NF1: variants seen among roughly 807,000 people sequenced by gnomAD.
The protein encoded by NF1 is neurofibromin.
Under a neutral mutation model 325.7 loss-of-function variants are expected in NF1, and 122 were observed. That is an observed-to-expected ratio of 0.37 (90% CI 0.32 to 0.44). The LOEUF is 0.44. Ranked by LOEUF, NF1 falls within the 20% of genes least tolerant of loss-of-function variation. The pLI is 1.00. For synonymous variants in NF1, 1,091 were observed against 1,186.0 expected (o/e 0.92, Z 1.65); for missense variants, 2,140 against 3,415.4 (o/e 0.63, Z 9.31).
At chr17:31,203,584 C>T (rs1285623767) in intron 11 of NF1, among the ~76,000 whole-genome samples, 3 of 152,020 alleles carry the variant, frequency 2.0e-5, no homozygotes, top group Non-Finnish European at 4.4e-5. Context: ...ATGAGATTGA[C>T]TATTTTAGAG....
intron 36 of NF1, among the ~76,000 whole-genome samples, chr17:31,287,819 A>G (rs1313840565): frequency 6.6e-6 from 1 of 151,228 alleles, no homozygotes; most frequent in East Asian, 2.0e-4. Flanking sequence ...GATTACAGGC[A>G]TGAGCCACTG....
chr17:31,232,043 AT>A lies in NF1; in HGVS notation c.3198-4del, dbSNP rs371047262. On this transcript the variant is annotated intron_variant, in intron 24 of 57. Coordinates refer to ENST00000358273, the MANE Select transcript of NF1 (RefSeq NM_001042492.3). ...AACTTGAAAGATTCATGGTCTCTAA[AT>A]TTTTTTTTTTTTTTTTTTTTTTTTT... The A allele has an allele frequency of 0.04, 23,105 of 582,972 alleles. 11 individuals are homozygous for A. The highest frequency in any genetic ancestry group is 0.064 in the East Asian group (1,235 of 19,250). 36.1% of individuals were successfully genotyped at this position (582,972 alleles called of 1,614,324 possible). A position where few individuals can be genotyped will look rare whatever the true frequency, so the allele number is the denominator to read the frequency against.
chr17:31,218,702 G>A (rs781704237), intron 13 of NF1, among the ~76,000 whole-genome samples: 12 of 151,988 alleles, frequency 7.9e-5, no homozygotes, highest in Non-Finnish European at 1.5e-4. Context: ...CTCCCAAGTG[G>A]CTGGGACCAC....
chr17:31,215,632 C>G (rs531203441), intron 13 of NF1, among the ~76,000 whole-genome samples: 1 of 152,272 alleles, frequency 6.6e-6, no homozygotes, highest in Non-Finnish European at 1.5e-5. Flanking sequence ...TAATAAGATA[C>G]AATTTAACAC....
At chr17:31,218,255 A>G (rs1474282912) in intron 13 of NF1, among the ~76,000 whole-genome samples, 2 of 152,106 alleles carry the variant, frequency 1.3e-5, no homozygotes, top group Non-Finnish European at 2.9e-5. Flanking sequence ...CTATTGTTGG[A>G]AAAAAAATTA....
At chr17:31,306,321 G>A (rs1428728666) in intron 36 of NF1, among the ~76,000 whole-genome samples, 2 of 151,526 alleles carry the variant, frequency 1.3e-5, no homozygotes, top group African/African-American at 2.4e-5. Context: ...TCCTAAACCT[G>A]TACCTCCAGC....
intron 1 of NF1, among the ~76,000 whole-genome samples, chr17:31,105,780 C>A: frequency 6.6e-6 from 1 of 152,200 alleles, no homozygotes; most frequent in East Asian, 1.9e-4. Flanking sequence ...TCCCAAAGTG[C>A]TGGGATTACA....
At chr17:31,204,191 A>G (rs1345213758) in intron 11 of NF1, among the ~76,000 whole-genome samples, 1 of 152,154 alleles carries the variant, frequency 6.6e-6, no homozygotes. Context: ...CATCACTGGT[A>G]CATGCTATAG....
chr17:31,253,282 A>C, intron 31 of NF1: 1 of 350,254 alleles, frequency 2.9e-6, no homozygotes. Context: ...TTTTTAAATT[A>C]TAAATGAATG....
At chr17:31,306,833 T>C (rs2068736238) in intron 36 of NF1, among the ~76,000 whole-genome samples, 1 of 150,108 alleles carries the variant, frequency 6.7e-6, no homozygotes, top group Non-Finnish European at 1.5e-5. Context: ...TGCCTTTAAG[T>C]GTTTCAGATT....
chr17:31,243,638 ACTCAAGGC>A (rs1381416184), intron 29 of NF1, among the ~76,000 whole-genome samples: 1 of 151,142 alleles, frequency 6.6e-6, no homozygotes, highest in Non-Finnish European at 1.5e-5. Flanking sequence ...ACTGATGTTC[ACTCAAGGC>A]CCAAGGGCTC....
intron 8 of NF1, among the ~76,000 whole-genome samples, chr17:31,188,109 C>G (rs544926069): frequency 1.3e-5 from 2 of 152,284 alleles, no homozygotes; most frequent in East Asian, 3.9e-4. Flanking sequence ...CTACAAATGA[C>G]CCAGACCCTT....
intron 36 of NF1, among the ~76,000 whole-genome samples, chr17:31,313,720 AT>A (rs60945048): frequency 0.019 from 1,878 of 101,146 alleles, 32 homozygotes; most frequent in African/African-American, 0.064. Flanking sequence ...AAAAAAAAAA[AT>A]ATGTGTGTGT....
intron 1 of NF1, among the ~76,000 whole-genome samples, chr17:31,116,375 C>A (rs552847250): frequency 1.3e-4 from 19 of 151,914 alleles, no homozygotes; most frequent in South Asian, 1.2e-3. Context: ...TTATGCTAAC[C>A]CTGCATAAAA....
At chr17:31,200,050 C>T (rs1023827484) in intron 8 of NF1, among the ~76,000 whole-genome samples, 4 of 151,478 alleles carry the variant, frequency 2.6e-5, no homozygotes, top group East Asian at 1.9e-4. Flanking sequence ...GCGGGAGAAT[C>T]GCTTGACCCT....
Position 31,349,142 on chromosome 17 carries a change from T to C in NF1, c.7212T>C (p.Ala2404=), listed in dbSNP as rs2151572531. 6.2e-7 allele frequency: 1 copy of C among 1,604,802 alleles called. No individual in the cohort carries two copies. The highest frequency in any genetic ancestry group is 2.2e-5 in the East Asian group (1 of 44,632). Residue 2404 remains alanine (A), a synonymous_variant, in exon 49 of 58, where the codon GCT becomes GCC. Coordinates refer to ENST00000358273, the MANE Select transcript of NF1 (RefSeq NM_001042492.3). The stretch of plus-strand genomic sequence containing the variant: ...TAGGGTACAGGCATCCTTCACCTGC[T>C]ATTGTTGCAAGAACAGTCAGAATTT... ...LLKGYRHPSP[A]IVARTVRILH...
At chr17:31,222,006 GTAC>G (rs1463553995) in intron 15 of NF1, 77 bp downstream of exon 15, 3 of 1,408,680 alleles carry the variant, frequency 2.1e-6, no homozygotes, top group Non-Finnish European at 2.8e-6. Context: ...TAACTCTGTA[GTAC>G]TTAGTACATT....
In NF1 at chr17:31,360,445, TA is replaced by T. The variant is rs528599051; in HGVS notation, c.8161-34del. ...TTTTGGCTTCAGATGGGGATTTACT[TA>T]AAAAAAAGGAACTAAAATAATTTCC... is the stretch of plus-strand genomic sequence containing the variant. On this transcript the variant is annotated intron_variant, in intron 56 of 57. Transcript: ENST00000358273. The T allele has an allele frequency of 1.9e-4, 295 of 1,569,722 alleles. 2 individuals carry two copies. The African/African-American group carries it at 3.2e-3, about 17-fold the overall frequency.
rs747234511 is a variant in NF1 at position 31,172,361 on chromosome 17, CTCTCTCTCTCTT to C, written c.586+2372_586+2383del. ...TCTCTCTGTCTCTCTGTCTCTCTCTCTCTCTCTCTCTTTCTCTCTTTCTCTCGATATACCTAT... is the reference window on the plus strand; with the variant it reads ...TCTCTCTGTCTCTCTGTCTCTCTCTCTCTCTCTTTCTCTCGATATACCTAT... On this transcript the variant is annotated intron_variant, in intron 5 of 57. Transcript: ENST00000358273. Among the ~76,000 whole-genome samples, 734 of 148,954 alleles carry C rather than the reference CTCTCTCTCTCTT, an allele frequency of 4.9e-3. 3 individuals carry two copies. The highest frequency in any genetic ancestry group is 0.015 in the African/African-American group (568 of 38,536).
Sources: allele counts gnomAD v4.1 joint callset (sites outside exome capture counted in the v4.1 genomes callset), GRCh38; gene constraint gnomAD v4.1.1; transcripts MANE v1.5; gene names NCBI Gene and HGNC (gene_info 2026-07-23, HGNC 2026-07-21).